PKIB: variants seen among roughly 807,000 people sequenced by gnomAD.
The protein encoded by PKIB is cAMP-dependent protein kinase inhibitor beta.
PKIB carries 2 observed loss-of-function variants against 4.5 expected under a neutral mutation model. The ratio of observed to expected loss-of-function variants is 0.44; its 90% CI spans 0.18 to 1.39. The LOEUF is 1.39. Ranked by LOEUF, PKIB falls within the 40% of genes most tolerant of loss-of-function variation. The pLI is 0.27. For missense variants in PKIB, 94 were observed against 92.6 expected, an observed-to-expected ratio of 1.02 and a Z score of -0.06; for synonymous variants, 38 against 36.0, an observed-to-expected ratio of 1.06 and a Z score of -0.20.
At chr6:122,543,284 T>G (rs1012098808) in intron 2 of PKIB, among the ~76,000 whole-genome samples, 1 of 151,962 alleles carries the variant, frequency 6.6e-6, no homozygotes, top group African/African-American at 2.4e-5. Context: ...ATCACCCATC[T>G]TCTGCATCGC....
At chr6:122,710,326 G>A (rs17084781) in intron 3 of PKIB, among the ~76,000 whole-genome samples, 2,775 of 152,122 alleles carry the variant, frequency 0.018, 54 homozygotes, top group East Asian at 0.093. Flanking sequence ...CAACACAGAC[G>A]GCCGTGTTCC....
At chr6:122,581,912 TG>T (rs1162862169) in intron 2 of PKIB, 1 of 152,060 alleles carries the variant, frequency 6.6e-6, no homozygotes, top group Non-Finnish European at 1.5e-5. Context: ...TCTATCTCTA[TG>T]GGCAAGTGTG....
chr6:122,683,393 T>G (rs528536710), intron 3 of PKIB, among the ~76,000 whole-genome samples: 1 of 152,006 alleles, frequency 6.6e-6, no homozygotes, highest in Non-Finnish European at 1.5e-5. Context: ...GCCACACTCC[T>G]AAATTACCAG....
At chr6:122,606,189 G>A (rs918725766), upstream of PKIB, among the ~76,000 whole-genome samples, 41 of 152,188 alleles carry the variant, frequency 2.7e-4, no homozygotes, top group Non-Finnish European at 8.8e-5. Context: ...CAGTAGAGAA[G>A]AAACATAGGG....
At position 122,620,991 on chromosome 6, in the gene PKIB, C is replaced by G. The variant is rs189026769; in HGVS notation, c.-161+10456C>G. Among the ~76,000 whole-genome samples the G allele has an allele frequency of 3.2e-3, 480 of 152,146 alleles. 2 individuals are homozygous for G. Among genetic ancestry groups the G allele is most frequent in the African/African-American group, 0.011 (469 of 41,500 alleles). On this transcript the variant is annotated intron_variant, in intron 1 of 4. Coordinates refer to ENST00000368452, the MANE Select transcript of PKIB (RefSeq NM_181795.3). The stretch of plus-strand genomic sequence containing the variant: ...TTTACTTACCTGACCATGTCGTTCC[C>G]TTGAGTTTCTTGTTATTATGATTAT...
intron 2 of PKIB, chr6:122,643,439 T>A (rs1185991102): frequency 1.3e-5 from 2 of 152,236 alleles, no homozygotes; most frequent in Non-Finnish European, 2.9e-5. Context: ...CTAAAATCAG[T>A]ATTCTTGATT....
chr6:122,593,726 T>C (rs1774084209), intron 3 of PKIB, among the ~76,000 whole-genome samples: 1 of 152,328 alleles, frequency 6.6e-6, no homozygotes. Flanking sequence ...AATGATAATA[T>C]TAATTACAAT....
chr6:122,655,520 G>T (rs1011711264), intron 2 of PKIB, among the ~76,000 whole-genome samples: 20 of 152,238 alleles, frequency 1.3e-4, no homozygotes, highest in Middle Eastern at 6.8e-3. Context: ...ATCTGCTGGT[G>T]CCTCCATCTT....
chr6:122,480,532 A>G (rs1314102116), intron 2 of PKIB: 1 of 152,218 alleles, frequency 6.6e-6, no homozygotes, highest in Non-Finnish European at 1.5e-5. Flanking sequence ...TACTTTTTCT[A>G]TTCAAGTTAT....
intron 4 of PKIB, 106 bp downstream of exon 4, chr6:122,718,069 T>C: frequency 8.5e-7 from 1 of 1,175,012 alleles, no homozygotes; most frequent in Non-Finnish European, 1.2e-6. Context: ...TCAGTTTCCT[T>C]ATTTGTTTAC....
chr6:122,661,298 T>A (rs2114913498), intron 2 of PKIB, among the ~76,000 whole-genome samples: 1 of 152,292 alleles, frequency 6.6e-6, no homozygotes. Context: ...CCATTTTAGG[T>A]CATTTTCATC....
chr6:122,560,600 G>A (rs187144944), intron 2 of PKIB, among the ~76,000 whole-genome samples: 1 of 152,156 alleles, frequency 6.6e-6, no homozygotes, highest in Admixed American at 6.5e-5. Context: ...GTGGAATAGT[G>A]TCAAAAGGAT....
At chr6:122,482,739 CG>C (rs1775659858) in intron 2 of PKIB, 2 of 151,938 alleles carry the variant, frequency 1.3e-5, no homozygotes, top group South Asian at 4.2e-4. Flanking sequence ...TTATTAGAGA[CG>C]GGGTTTCACC....
At chr6:122,718,007 C>G (rs1191518323) in intron 4 of PKIB, 44 bp downstream of exon 4, 1 of 1,569,898 alleles carries the variant, frequency 6.4e-7, no homozygotes, top group Non-Finnish European at 8.7e-7. Flanking sequence ...CTTGTCCCTT[C>G]TTAACCAAGC....
chr6:122,525,552 C>T (rs147425665), intron 2 of PKIB, among the ~76,000 whole-genome samples: 46 of 152,200 alleles, frequency 3.0e-4, no homozygotes, highest in East Asian at 2.3e-3. Context: ...AAGATCACAA[C>T]GAAGCAAGTC....
intron 3 of PKIB, among the ~76,000 whole-genome samples, chr6:122,680,386 T>G (rs1777851346): frequency 6.6e-6 from 1 of 152,240 alleles, no homozygotes; most frequent in Non-Finnish European, 1.5e-5. Context: ...GATTCTTTCC[T>G]TCTGGATTTG....
chr6:122,554,324 A>G (rs964728568), intron 2 of PKIB, among the ~76,000 whole-genome samples: 1 of 152,242 alleles, frequency 6.6e-6, no homozygotes, highest in African/African-American at 2.4e-5. Context: ...ATCTGCTTTG[A>G]AATGTAGATA....
At chr6:122,484,767 A>G (rs1775715295) in intron 2 of PKIB, among the ~76,000 whole-genome samples, 1 of 152,250 alleles carries the variant, frequency 6.6e-6, no homozygotes, top group African/African-American at 2.4e-5. Context: ...GGAAAACACT[A>G]TTAAAATGTT....
chr6:122,571,939 G>A (rs535599924), intron 2 of PKIB, among the ~76,000 whole-genome samples: 1 of 152,146 alleles, frequency 6.6e-6, no homozygotes, highest in Non-Finnish European at 1.5e-5. Context: ...AAAAGGTACA[G>A]AATAGCAGAA....
Sources: gnomAD v4.1 joint callset for allele counts (sites outside exome capture counted in the v4.1 genomes callset) on GRCh38, gnomAD v4.1.1 for gene constraint, MANE v1.5 for transcripts, NCBI Gene and HGNC (gene_info 2026-07-23, HGNC 2026-07-21) for gene names.